COL18A1: variants seen among roughly 807,000 people sequenced by gnomAD.
COL18A1 encodes the protein collagen type XVIII alpha 1 chain.
Under a neutral mutation model 168.0 loss-of-function variants are expected in COL18A1, and 133 were observed. The ratio of observed to expected loss-of-function variants is 0.79; its 90% CI spans 0.69 to 0.91. COL18A1 has a LOEUF of 0.91. COL18A1 is among the 40% of genes least tolerant of loss of function. The pLI is 0.00. For missense variants in COL18A1, 2,126 were observed against 1,925.4 expected (o/e 1.10, Z -1.95); for synonymous variants, 949 against 809.0 (o/e 1.17, Z -2.94).
chr21:45,423,463 G>T lies in COL18A1; in HGVS notation c.106+17990G>T, dbSNP rs548784465. On this transcript the variant is annotated intron_variant, in intron 2 of 41. Transcript: ENST00000651438. This position sits in a 1 kb window ranked among gnomAD's most constrained non-coding sequence, Gnocchi z 4.0. ...ACGGCAGCAGGACCCTCCCAAAGCT[G>T]TGTCCACACACAGCTGGGCGCCCGC... 6.6e-6 allele frequency among the ~76,000 whole-genome samples: 1 copy of T among 152,304 alleles called. No individual in the cohort carries two copies. Among genetic ancestry groups the T allele is most frequent in the South Asian group, 2.1e-4 (1 of 4,828 alleles).
intron 2 of COL18A1, among the ~76,000 whole-genome samples, chr21:45,416,479 TCAGAAATCCAGGCCCCTAGGTGTTGAA>T (rs1376675976): frequency 1.3e-5 from 2 of 152,170 alleles, no homozygotes; most frequent in Non-Finnish European, 2.9e-5. Context: ...TTGCTTGGAT[TCAGAAATCCAGGCCCCTAGGTGTTGAA>T]CCTGAGGACA....
chr21:45,467,134 C>A, intron 2 of COL18A1: 2 of 698,960 alleles, frequency 2.9e-6, no homozygotes, highest in Non-Finnish European at 3.5e-6. Flanking sequence ...CTCTGCCTGG[C>A]ACGGCAGGTG....
chr21:45,425,985 TC>T lies in COL18A1; in HGVS notation c.106+20514del, dbSNP rs2033786911. On this transcript the variant is annotated intron_variant, in intron 2 of 41. Coordinates refer to ENST00000651438, the MANE Select transcript of COL18A1 (RefSeq NM_001379500.1). The surrounding 1 kb of genome is among the most constrained non-coding windows in gnomAD (Gnocchi z 4.1). ...AACCCAGGAAGGGGCTGAGTGTGAC[TC>T]CTCTGGTTTTTAGAGAGCACTGCCC... is the stretch of plus-strand genomic sequence containing the variant. Among the ~76,000 whole-genome samples, 1 of 152,146 alleles carries T rather than the reference TC, an allele frequency of 6.6e-6. No homozygotes were observed. Among genetic ancestry groups the T allele is most frequent in the Non-Finnish European group, 1.5e-5 (1 of 68,016 alleles).
chr21:45,492,535 G>A lies in COL18A1; in HGVS notation c.2158G>A (p.Gly720Arg). The A allele has an allele frequency of 6.2e-6, 10 of 1,613,376 alleles. No individual in the cohort carries two copies. The highest frequency in any genetic ancestry group is 1.3e-5 in the African/African-American group (1 of 75,052). ...GPVVYVSEQD[G>R]SVLSVPGPEG... is the part of the protein sequence containing the mutation. ...GATTTTTCCTTTTGCTCGTGGACAG[G>A]GATCCGTCCTGAGCGTGCCGGGACC... Residue 720 changes from glycine to arginine, a missense_variant and splice_region_variant, in exon 23 of 42, where the codon GGA becomes AGA. Transcript: ENST00000651438.
At chr21:45,488,374 G>C (rs1246508480) in intron 17 of COL18A1, 44 bp from the exon 18 acceptor site, 2 of 1,613,484 alleles carry the variant, frequency 1.2e-6, no homozygotes, top group East Asian at 2.2e-5. Context: ...TCTCACAGCA[G>C]GGCCTCCAGC....
chr21:45,449,390 A>G (rs889620853), intron 2 of COL18A1, among the ~76,000 whole-genome samples: 1 of 152,152 alleles, frequency 6.6e-6, no homozygotes, highest in African/African-American at 2.4e-5. Flanking sequence ...TGAAGACCTC[A>G]GGCTCCCCAC....
At chr21:45,490,749 C>A in intron 20 of COL18A1, 87 bp from the exon 21 acceptor site, 4 of 1,395,914 alleles carry the variant, frequency 2.9e-6, no homozygotes, top group Non-Finnish European at 4.0e-6. Flanking sequence ...ATAAAGAACC[C>A]CACATCTTCA....
At chr21:45,430,302 C>T (rs990409718) in intron 2 of COL18A1, among the ~76,000 whole-genome samples, 5 of 152,256 alleles carry the variant, frequency 3.3e-5, no homozygotes, top group Non-Finnish European at 5.9e-5. Context: ...GCGTGTGGAA[C>T]TCTGTGGTGG....
chr21:45,499,085 A>G (rs1339625771), intron 32 of COL18A1, among the ~76,000 whole-genome samples: 1 of 152,202 alleles, frequency 6.6e-6, no homozygotes, highest in Non-Finnish European at 1.5e-5. Context: ...AAGGATCAAC[A>G]ATTAGAGTGA....
chr21:45,473,629 G>A lies in COL18A1; in HGVS notation c.652-266G>A, dbSNP rs1276078840. Among the ~76,000 whole-genome samples, 1 of 152,126 alleles carries A rather than the reference G, an allele frequency of 6.6e-6. No individual in the cohort carries two copies. The highest frequency in any genetic ancestry group is 1.5e-5 in the Non-Finnish European group (1 of 68,018). On this transcript the variant is annotated intron_variant, in intron 3 of 41. Transcript: ENST00000651438. This position sits in a 1 kb window ranked among gnomAD's most constrained non-coding sequence, Gnocchi z 4.0. ...CCCGTAGCCCTCAGGTGGCCCATCA[G>A]CTGCCTCAGATGAGCCAAGTCTGAG... is the stretch of plus-strand genomic sequence containing the variant.
chr21:45,413,273 T>C lies in COL18A1; in HGVS notation c.106+7800T>C, dbSNP rs576391293. ...GAGCCCCGCGCTGTGCCTGCTGAAC[T>C]GAAAGATGTGTATTAGAGAGGGCAG... On this transcript the variant is annotated intron_variant, in intron 2 of 41. Coordinates refer to ENST00000651438, the MANE Select transcript of COL18A1 (RefSeq NM_001379500.1). Among the ~76,000 whole-genome samples, 305 of 152,312 alleles carry C rather than the reference T, an allele frequency of 2.0e-3. 1 individual carries two copies. Among genetic ancestry groups the C allele is most frequent in the African/African-American group, 6.9e-3 (285 of 41,564 alleles).
At chr21:45,501,204 T>C (rs4818784) in intron 32 of COL18A1, among the ~76,000 whole-genome samples, 7 of 151,592 alleles carry the variant, frequency 4.6e-5, no homozygotes, top group Non-Finnish European at 1.0e-4. Flanking sequence ...ACCAGAGAAA[T>C]TGAGTAATTC....
chr21:45,511,636 A>G (rs1037846991), intron 41 of COL18A1, among the ~76,000 whole-genome samples: 1 of 152,036 alleles, frequency 6.6e-6, no homozygotes, highest in Non-Finnish European at 1.5e-5. Context: ...GGGTATCTAG[A>G]AGAACGCTTC....
Position 45,504,057 on chromosome 21 carries a change from G to T in COL18A1, c.2727+3G>T, listed in dbSNP as rs2037032243. The T allele has an allele frequency of 2.5e-6, 4 of 1,613,586 alleles. No individual in the cohort carries two copies. Among genetic ancestry groups the T allele is most frequent in the Non-Finnish European group, 3.4e-6 (4 of 1,179,962 alleles). ...TTCAGTTGGAGGCTGAAATGAAGGT[G>T]GGTGACCTCCCTGTGGGGTTGGGGG... On this transcript the variant is annotated splice_donor_region_variant and intron_variant, in intron 33 of 41. Transcript: ENST00000651438.
chr21:45,467,042 G>A (rs1027563513), intron 2 of COL18A1, among the ~76,000 whole-genome samples: 7 of 152,240 alleles, frequency 4.6e-5, no homozygotes, highest in African/African-American at 1.7e-4. Flanking sequence ...TGAGGGGGAT[G>A]TGACCGCTGG....
Position 45,510,134 on chromosome 21 carries a change from G to A in COL18A1, c.3566G>A (p.Cys1189Tyr). 13 of 1,600,378 alleles carry A rather than the reference G, an allele frequency of 8.1e-6. No individual in the cohort carries two copies. The highest frequency in any genetic ancestry group is 1.1e-5 in the Non-Finnish European group (13 of 1,174,518). Residue 1189 changes from cysteine (C) to tyrosine (Y), a missense_variant, in exon 40 of 42, where the codon TGC becomes TAC. Coordinates refer to ENST00000651438, the MANE Select transcript of COL18A1 (RefSeq NM_001379500.1). ...MRGIRGADFQ[C>Y]FQQARAVGLA... ...GGCATCCGCGGGGCCGACTTCCAGTGCTTCCAGCAGGCGCGGGCCGTGGGG... is the reference window on the plus strand; with the variant it reads ...GGCATCCGCGGGGCCGACTTCCAGTACTTCCAGCAGGCGCGGGCCGTGGGG...
At chr21:45,479,348 TACAC>T (rs756792078) in intron 9 of COL18A1, among the ~76,000 whole-genome samples, 3 of 140,728 alleles carry the variant, frequency 2.1e-5, no homozygotes, top group South Asian at 2.2e-4. Context: ...ATACACACAC[TACAC>T]ACACGTGTGT....
At chr21:45,415,953 C>G (rs560746440) in intron 2 of COL18A1, among the ~76,000 whole-genome samples, 1 of 152,172 alleles carries the variant, frequency 6.6e-6, no homozygotes, top group Non-Finnish European at 1.5e-5. Context: ...CAGAACACTG[C>G]GTGGGCCCTC....
chr21:45,455,503 C>CGCCCGCA, intron 2 of COL18A1: 1 of 1,610,112 alleles, frequency 6.2e-7, no homozygotes, highest in Non-Finnish European at 8.5e-7. Flanking sequence ...GCCCTCCCGC[C>CGCCCGCA]GCCCGCAGCT....
Sources: gnomAD v4.1 joint callset for allele counts (sites outside exome capture counted in the v4.1 genomes callset) on GRCh38, gnomAD v4.1.1 for gene constraint, Gnocchi (gnomAD v3.1) non-coding constraint, MANE v1.5 for transcripts, NCBI Gene and HGNC (gene_info 2026-07-23, HGNC 2026-07-21) for gene names.